The following ZBTB46 variants were observed in gnomAD, a reference collection of about 807,000 sequenced individuals.
ZBTB46 encodes zinc finger and BTB domain containing 46.
Under a neutral mutation model 44.1 loss-of-function variants are expected in ZBTB46, and 8 were observed. The ratio of observed to expected loss-of-function variants is 0.18; its 90% CI spans 0.11 to 0.33. The LOEUF (loss-of-function observed/expected upper bound fraction) is 0.33, where lower values mean the gene tolerates loss of function less well. Among genes scored for constraint, ZBTB46 ranks in the 10% least tolerant of loss-of-function variants. The pLI is 1.00. For synonymous variants in ZBTB46, 409 were observed against 382.3 expected, an observed-to-expected ratio of 1.07 and a Z score of -0.81; for missense variants, 651 against 847.7, an observed-to-expected ratio of 0.77 and a Z score of 2.88.
chr20:63,807,573 G>A (rs1346775954), intron 1 of ZBTB46, among the ~76,000 whole-genome samples: 1 of 151,982 alleles, frequency 6.6e-6, no homozygotes, highest in Non-Finnish European at 1.5e-5. Context: ...TCGAACTCCT[G>A]GCCTCAAGCA....
At position 63,744,583 on chromosome 20, in the gene ZBTB46, AT is replaced by A. The variant is rs1264785614; in HGVS notation, c.*2346del. On this transcript the variant is annotated 3_prime_UTR_variant, in exon 5 of 5. Coordinates refer to ENST00000245663, the MANE Select transcript of ZBTB46 (RefSeq NM_001369741.1). ...ATCGATTTAAAAAAAAATCAGTCAC[AT>A]AAAAAAAACCCTTCATGACATGTCT... The A allele has an allele frequency of 8.5e-5, 13 of 152,436 alleles. 1 individual carries two copies. The highest frequency in any genetic ancestry group is 3.1e-4 in the African/African-American group (13 of 41,538). 9.4% of individuals were successfully genotyped at this position (152,436 alleles called of 1,614,324 possible). A position where few individuals can be genotyped will look rare whatever the true frequency, so the allele number is the denominator to read the frequency against.
At chr20:63,758,449 C>T (rs1362653105) in intron 3 of ZBTB46, among the ~76,000 whole-genome samples, 1 of 151,986 alleles carries the variant, frequency 6.6e-6, no homozygotes, top group Non-Finnish European at 1.5e-5. Flanking sequence ...CTGGTGCTTC[C>T]CCATGTGTCT....
chr20:63,800,502 G>T (rs1265090981), intron 1 of ZBTB46, among the ~76,000 whole-genome samples: 1 of 152,250 alleles, frequency 6.6e-6, no homozygotes, highest in African/African-American at 2.4e-5. Context: ...CACTGTGGGA[G>T]CCCCTTCCTG....
chr20:63,762,270 A>G (rs914485734), intron 3 of ZBTB46, among the ~76,000 whole-genome samples: 23 of 152,188 alleles, frequency 1.5e-4, no homozygotes, highest in African/African-American at 5.5e-4. Context: ...TGTTCTATCA[A>G]TTACTGAGAT....
intron 1 of ZBTB46, among the ~76,000 whole-genome samples, chr20:63,827,777 G>C (rs1226707035): frequency 6.6e-6 from 1 of 152,198 alleles, no homozygotes; most frequent in Admixed American, 6.5e-5. Flanking sequence ...TTGTAAATTA[G>C]AGTAAAACGG....
intron 2 of ZBTB46, among the ~76,000 whole-genome samples, chr20:63,787,000 C>A (rs904485259): frequency 6.6e-6 from 1 of 152,092 alleles, no homozygotes; most frequent in Non-Finnish European, 1.5e-5. Flanking sequence ...CAGTGCAGGA[C>A]GCACAGCAAC....
chr20:63,773,769 A>G (rs2092396461), intron 3 of ZBTB46, among the ~76,000 whole-genome samples: 1 of 152,110 alleles, frequency 6.6e-6, no homozygotes, highest in African/African-American at 2.4e-5. Context: ...GGCCGCACCC[A>G]GCCTGTCCCT....
chr20:63,820,200 T>C (rs2092783389), intron 1 of ZBTB46, among the ~76,000 whole-genome samples: 1 of 151,504 alleles, frequency 6.6e-6, no homozygotes, highest in Admixed American at 6.6e-5. Context: ...TTCACGCCAT[T>C]CTCCCACCTC....
intron 3 of ZBTB46, among the ~76,000 whole-genome samples, chr20:63,756,482 G>GT (rs964156928): frequency 2.0e-5 from 3 of 152,166 alleles, no homozygotes; most frequent in Admixed American, 6.5e-5. Context: ...ACTGTTCTTT[G>GT]TTTTTTTGTT....
intron 2 of ZBTB46, among the ~76,000 whole-genome samples, chr20:63,785,941 C>A (rs1444654472): frequency 6.6e-6 from 1 of 152,226 alleles, no homozygotes; most frequent in Non-Finnish European, 1.5e-5. Flanking sequence ...ACCTTCTGCT[C>A]GACAACTGCA....
intron 4 of ZBTB46, among the ~76,000 whole-genome samples, chr20:63,748,087 C>T (rs2092122208): frequency 6.9e-6 from 1 of 144,812 alleles, no homozygotes; most frequent in Non-Finnish European, 1.5e-5. Context: ...CCTGACCCCT[C>T]AGCCCGACCC....
Position 63,752,938 on chromosome 20 carries a change from GC to G in ZBTB46, c.1223-78del. On this transcript the variant is annotated intron_variant, in intron 3 of 4. Coordinates refer to ENST00000245663, the MANE Select transcript of ZBTB46 (RefSeq NM_001369741.1). This position sits in a 1 kb window ranked among gnomAD's most constrained non-coding sequence, Gnocchi z 5.6. ...TGCGGCCCACAGACCACGGCTGCAC[GC>G]CGCAGCCCAGCAGCCAGGACGGGCT... 1 of 1,470,608 alleles carries G rather than the reference GC, an allele frequency of 6.8e-7. No individual in the cohort carries two copies. Among genetic ancestry groups the G allele is most frequent in the Non-Finnish European group, 9.1e-7 (1 of 1,099,396 alleles). The allele number at this position is 1,470,608 out of a possible 1,614,324, so 91.1% of individuals were successfully genotyped here.
At chr20:63,810,729 G>C (rs1212397723) in intron 1 of ZBTB46, among the ~76,000 whole-genome samples, 1 of 152,216 alleles carries the variant, frequency 6.6e-6, no homozygotes, top group Non-Finnish European at 1.5e-5. Flanking sequence ...CTGGGCAACA[G>C]AGTGAGACTC....
intron 2 of ZBTB46, among the ~76,000 whole-genome samples, chr20:63,779,435 T>G (rs951050092): frequency 1.3e-5 from 1 of 78,610 alleles, no homozygotes; most frequent in Non-Finnish European, 2.6e-5. Context: ...TTTTTTTTTT[T>G]TTGAGACGGA....
chr20:63,776,982 A>G (rs2092430619), intron 2 of ZBTB46, among the ~76,000 whole-genome samples: 1 of 151,860 alleles, frequency 6.6e-6, no homozygotes, highest in South Asian at 2.1e-4. Context: ...GCAAAACACA[A>G]CACGATTCCA....
chr20:63,821,770 AT>A (rs2092793665), intron 1 of ZBTB46, among the ~76,000 whole-genome samples: 1 of 152,206 alleles, frequency 6.6e-6, no homozygotes, highest in Admixed American at 6.5e-5. Flanking sequence ...TAATAAGGTG[AT>A]GCTAAACAGA....
At chr20:63,786,788 G>A (rs1343624344) in intron 2 of ZBTB46, among the ~76,000 whole-genome samples, 10 of 152,138 alleles carry the variant, frequency 6.6e-5, no homozygotes, top group Admixed American at 1.3e-4. Flanking sequence ...GGAATTACAG[G>A]CGTGAGCCAC....
intron 1 of ZBTB46, among the ~76,000 whole-genome samples, chr20:63,829,034 T>C (rs1249723442): frequency 1.3e-5 from 2 of 152,228 alleles, no homozygotes; most frequent in African/African-American, 4.8e-5. Context: ...TGTTTGTAAA[T>C]AGTACATCGT....
chr20:63,777,598 G>A (rs2092436205), intron 2 of ZBTB46, among the ~76,000 whole-genome samples: 1 of 152,204 alleles, frequency 6.6e-6, no homozygotes, highest in African/African-American at 2.4e-5. Flanking sequence ...ACAACATCAG[G>A]TACAGGAATC....
Sources: gnomAD v4.1 joint callset for allele counts (sites outside exome capture counted in the v4.1 genomes callset) on GRCh38, gnomAD v4.1.1 for gene constraint, Gnocchi (gnomAD v3.1) non-coding constraint, MANE v1.5 for transcripts, NCBI Gene and HGNC (gene_info 2026-07-23, HGNC 2026-07-21) for gene names.